Variants in MAGED1 observed in about 807,000 individuals in gnomAD.
MAGED1 encodes MAGE family member D1, also known as melanoma-associated antigen D1.
In MAGED1, 3 loss-of-function variants were observed where a neutral mutation model predicts 54.1. The ratio of observed to expected loss-of-function variants is 0.06; its 90% confidence interval spans 0.03 to 0.14. The LOEUF is 0.14. MAGED1 is among the 10% of genes least tolerant of loss of function. The pLI, the probability that MAGED1 is intolerant of heterozygous loss-of-function variation, is 1.00. For missense variants in MAGED1, 485 were observed against 623.4 expected, an observed-to-expected ratio of 0.78 and a Z score of 2.36; for synonymous variants, 217 against 227.3, an observed-to-expected ratio of 0.95 and a Z score of 0.41.
chrX:51,834,133 C>T (rs1406779289), intron 1 of MAGED1, among the ~76,000 whole-genome samples: 2 of 111,392 alleles, frequency 1.8e-5, no homozygotes, highest in African/African-American at 6.5e-5. Context: ...TTTATAATCC[C>T]GTATAAAATC....
At chrX:51,826,007 A>G (rs1925840617) in intron 1 of MAGED1, among the ~76,000 whole-genome samples, 1 of 112,474 alleles carries the variant, frequency 8.9e-6, no homozygotes, top group Non-Finnish European at 1.9e-5. Flanking sequence ...TTAGAACTGA[A>G]GCTTTGGGAG....
At chrX:51,847,114 G>A (rs973207373) in intron 1 of MAGED1, among the ~76,000 whole-genome samples, 17 of 111,335 alleles carry the variant, frequency 1.5e-4, no homozygotes, top group Admixed American at 1.3e-3. Context: ...AAAATAACAG[G>A]GATTCACTAT....
chrX:51,897,516 G>A (rs782461167), intron 5 of MAGED1, 31 bp from the exon 6 acceptor site: 7 of 1,119,775 alleles, frequency 6.3e-6, no homozygotes, highest in South Asian at 3.7e-5. Context: ...GCCCCCGCTC[G>A]GCTCAGATGG....
intron 1 of MAGED1, among the ~76,000 whole-genome samples, chrX:51,818,315 C>T (rs782505544): frequency 3.6e-5 from 4 of 111,725 alleles, no homozygotes; most frequent in South Asian, 7.6e-4. Context: ...ATTGTGCCTT[C>T]GGTCATGGAA....
At chrX:51,859,214 C>T (rs1927190018) in intron 1 of MAGED1, among the ~76,000 whole-genome samples, 1 of 109,864 alleles carries the variant, frequency 9.1e-6, no homozygotes, top group South Asian at 3.9e-4. Context: ...TAGTATGGCG[C>T]CTGGCATGTA....
At chrX:51,863,334 GTGTA>G (rs1195615598) in intron 1 of MAGED1, among the ~76,000 whole-genome samples, 1 of 112,506 alleles carries the variant, frequency 8.9e-6, no homozygotes, top group African/African-American at 3.2e-5. Context: ...CATTGTGTGT[GTGTA>G]TGTATGTGTG....
At chrX:51,875,383 T>G (rs1469077668) in intron 1 of MAGED1, among the ~76,000 whole-genome samples, 1 of 111,607 alleles carries the variant, frequency 9.0e-6, no homozygotes, top group Admixed American at 9.6e-5. Flanking sequence ...AGGAATCCCC[T>G]GGATTCTGAC....
At chrX:51,882,088 G>T (rs1557362542) in intron 1 of MAGED1, among the ~76,000 whole-genome samples, 1 of 111,917 alleles carries the variant, frequency 8.9e-6, no homozygotes, top group Non-Finnish European at 1.9e-5. Flanking sequence ...AGAAAAAGAG[G>T]CTATTAAATA....
chrX:51,852,491 A>G (rs1461060125), intron 1 of MAGED1, among the ~76,000 whole-genome samples: 1 of 112,173 alleles, frequency 8.9e-6, no homozygotes, highest in Non-Finnish European at 1.9e-5. Flanking sequence ...TTTCACTGAA[A>G]CAGGCATTAA....
At chrX:51,803,627 CTT>C (rs1179676499) in intron 1 of MAGED1, among the ~76,000 whole-genome samples, 9 of 60,443 alleles carry the variant, frequency 1.5e-4, no homozygotes, top group Admixed American at 2.1e-4. Context: ...AAGGTCAAGG[CTT>C]TTTTTTTTTT....
In MAGED1 at chrX:51,887,846, GA is replaced by G. The variant is rs1206859301; in HGVS notation, c.-36-6412del. Among the ~76,000 whole-genome samples the G allele has an allele frequency of 5.3e-3, 527 of 99,655 alleles. 6 individuals are homozygous for G. Among genetic ancestry groups the G allele is most frequent in the South Asian group, 0.027 (63 of 2,308 alleles). The allele number at this position is 99,655 out of a possible 115,157, so 86.5% of individuals were successfully genotyped here. On this transcript the variant is annotated intron_variant, in intron 1 of 12. Transcript: ENST00000375772. ...AAATAAAACCCACAATCCATAAAAG[GA>G]AAAAAAAAAACCAATAAATTGAATT...
At chrX:51,841,412 T>G (rs1360366208) in intron 1 of MAGED1, among the ~76,000 whole-genome samples, 4 of 110,897 alleles carry the variant, frequency 3.6e-5, no homozygotes, top group Non-Finnish European at 5.7e-5. Flanking sequence ...GGTGGTTTCT[T>G]TTGCTGTGCA....
At chrX:51,847,948 T>C (rs1332910690) in intron 1 of MAGED1, among the ~76,000 whole-genome samples, 5 of 112,318 alleles carry the variant, frequency 4.5e-5, no homozygotes. Context: ...GAAGAGGAAT[T>C]ACTGTATAGT....
chrX:51,826,344 A>T (rs1925850511), intron 1 of MAGED1, among the ~76,000 whole-genome samples: 1 of 111,948 alleles, frequency 8.9e-6, no homozygotes, highest in Admixed American at 9.5e-5. Context: ...GTTTTCTTCT[A>T]GAAGTTTTAT....
At chrX:51,815,607 C>T (rs1925386984) in intron 1 of MAGED1, among the ~76,000 whole-genome samples, 1 of 108,909 alleles carries the variant, frequency 9.2e-6, no homozygotes, top group South Asian at 4.1e-4. Flanking sequence ...ACTGTAACCT[C>T]CGCCTCCCGG....
At chrX:51,808,663 T>C (rs1186757542) in intron 1 of MAGED1, among the ~76,000 whole-genome samples, 1 of 111,982 alleles carries the variant, frequency 8.9e-6, no homozygotes, top group Admixed American at 9.4e-5. Context: ...CAGCTGTGAT[T>C]GCACCAGTGC....
chrX:51,858,326 G>A (rs1341252548), intron 1 of MAGED1, among the ~76,000 whole-genome samples: 4 of 111,785 alleles, frequency 3.6e-5, no homozygotes, highest in African/African-American at 9.8e-5. Flanking sequence ...CTTCAAGGAT[G>A]TGTTAGTCTT....
intron 1 of MAGED1, among the ~76,000 whole-genome samples, chrX:51,824,470 T>C: frequency 9.0e-6 from 1 of 111,033 alleles, no homozygotes; most frequent in South Asian, 3.8e-4. Flanking sequence ...TGGCTTTCAG[T>C]ATTTTTATTA....
At chrX:51,815,456 TAAA>T (rs1557355967) in intron 1 of MAGED1, among the ~76,000 whole-genome samples, 1 of 110,987 alleles carries the variant, frequency 9.0e-6, no homozygotes, top group Non-Finnish European at 1.9e-5. Flanking sequence ...GTTTAAGAAA[TAAA>T]AAATTTTAAA....
Sources: gnomAD v4.1 joint callset for allele counts (sites outside exome capture counted in the v4.1 genomes callset) on GRCh38, gnomAD v4.1.1 for gene constraint, MANE v1.5 for transcripts, NCBI Gene and HGNC (gene_info 2026-07-23, HGNC 2026-07-21) for gene names.